KLF5: variants seen among roughly 807,000 people sequenced by gnomAD.
The protein encoded by KLF5 is Krueppel-like factor 5.
A neutral mutation model predicts 36.9 loss-of-function variants in KLF5; 9 were observed. The observed-to-expected ratio is 0.24, with a 90% CI of 0.15 to 0.43. KLF5 has a LOEUF of 0.43. Ranked by LOEUF, KLF5 falls within the 20% of genes least tolerant of loss-of-function variation. The probability of loss-of-function intolerance (pLI) is 1.00; values close to 1 mark genes in which losing one functional copy is unlikely to be tolerated. For missense variants in KLF5, 524 were observed against 599.5 expected (o/e 0.87, Z 1.31); for synonymous variants, 246 against 241.7 (o/e 1.02, Z -0.17).
At chr13:73,074,754 CTG>C (rs2044747611) in intron 3 of KLF5, among the ~76,000 whole-genome samples, 1 of 152,136 alleles carries the variant, frequency 6.6e-6, no homozygotes, top group Admixed American at 6.5e-5. Context: ...GGGAAGAGAA[CTG>C]TGAAAGAATG....
rs1446216606 is a variant in KLF5 at position 73,077,512 on chromosome 13, T to C, written c.*1626T>C. The C allele has an allele frequency of 6.6e-6, 1 of 152,650 alleles. No individual in the cohort carries two copies. Among genetic ancestry groups the C allele is most frequent in the East Asian group, 1.9e-4 (1 of 5,200 alleles). The allele number at this position is 152,650 out of a possible 1,614,324, so 9.5% of individuals were successfully genotyped here. On this transcript the variant is annotated 3_prime_UTR_variant, in exon 4 of 4. Coordinates refer to ENST00000377687, the MANE Select transcript of KLF5 (RefSeq NM_001730.5). Reference sequence around the variant, plus strand: ...TTTATATATTAACGACAATTTTTTTTTTGGAAAATAAAAAGTGCCTAAAAG... The same window carrying C: ...TTTATATATTAACGACAATTTTTTTCTTGGAAAATAAAAAGTGCCTAAAAG...
rs1452913413 is a variant in KLF5, at chr13:73,059,488, C to T, written c.161C>T (p.Ala54Val). 1 of 1,243,276 alleles carries T rather than the reference C, an allele frequency of 8.0e-7. No individual in the cohort carries two copies. The highest frequency in any genetic ancestry group is 1.0e-6 in the Non-Finnish European group (1 of 995,374). 77.0% of individuals were successfully genotyped at this position (1,243,276 alleles called of 1,614,324 possible). Residue 54 changes from alanine (A) to valine (V), a missense_variant, in exon 1 of 4, where the codon GCG becomes GTG. Around this residue, in one of 4 missense-constraint regions of KLF5, gnomAD observed 454 missense variants for 458.1 expected, o/e 0.99. Coordinates refer to ENST00000377687, the MANE Select transcript of KLF5 (RefSeq NM_001730.5). ...ALFPGEELKH[A>V]HHRPQAQPAP... ...TTCCCCGGCGAGGAGCTGAAGCACGCGCACCACCGCCCGCAGGCGCAGCCC... is the reference window on the plus strand; with the variant it reads ...TTCCCCGGCGAGGAGCTGAAGCACGTGCACCACCGCCCGCAGGCGCAGCCC...
intron 1 of KLF5, among the ~76,000 whole-genome samples, chr13:73,060,052 G>A (rs1198525105): frequency 2.0e-5 from 3 of 151,012 alleles, no homozygotes; most frequent in Admixed American, 6.6e-5. Flanking sequence ...GGTTCCCCAA[G>A]GTTTCATACC....
At chr13:73,066,976 C>T (rs2044684496) in intron 3 of KLF5, among the ~76,000 whole-genome samples, 1 of 152,136 alleles carries the variant, frequency 6.6e-6, no homozygotes, top group Non-Finnish European at 1.5e-5. Context: ...TGTAGAAGCA[C>T]CCCTTATAGA....
intron 3 of KLF5, among the ~76,000 whole-genome samples, chr13:73,070,114 A>C (rs1243442272): frequency 1.3e-5 from 2 of 152,206 alleles, no homozygotes; most frequent in Non-Finnish European, 2.9e-5. Context: ...ATCTCAAACA[A>C]CAACTCTTAT....
In KLF5 at chr13:73,076,152, A is replaced by C; in HGVS notation, c.*266A>C. The C allele has an allele frequency of 2.4e-5, 7 of 286,472 alleles. No homozygotes were observed. The highest frequency in any genetic ancestry group is 3.9e-5 in the Non-Finnish European group (6 of 155,382). 17.7% of individuals were successfully genotyped at this position (286,472 alleles called of 1,614,324 possible). ...TCTCATGACAGGCAGCCACGTCTCAACATGGGTAAGGGGTGGGGGTGGAGG... is the reference window on the plus strand; with the variant it reads ...TCTCATGACAGGCAGCCACGTCTCACCATGGGTAAGGGGTGGGGGTGGAGG... On this transcript the variant is annotated 3_prime_UTR_variant, in exon 4 of 4. Transcript: ENST00000377687.
At chr13:73,055,447 A>G (rs1177715352), upstream of KLF5, among the ~76,000 whole-genome samples, 1 of 152,194 alleles carries the variant, frequency 6.6e-6, no homozygotes, top group African/African-American at 2.4e-5. Flanking sequence ...AAAAGCAATG[A>G]ACAGAGCATC....
intron 3 of KLF5, among the ~76,000 whole-genome samples, chr13:73,069,367 CAA>C: frequency 1.3e-5 from 2 of 152,244 alleles, no homozygotes; most frequent in South Asian, 4.2e-4. Flanking sequence ...ATAACACAGG[CAA>C]AATCTTTTTT....
intron 3 of KLF5, among the ~76,000 whole-genome samples, chr13:73,074,012 A>G (rs2044741239): frequency 6.6e-6 from 1 of 152,204 alleles, no homozygotes; most frequent in Admixed American, 6.5e-5. Context: ...CAGAAAGGGA[A>G]TTAAAACAAA....
intron 3 of KLF5, among the ~76,000 whole-genome samples, chr13:73,064,173 C>CT (rs1315792698): frequency 6.6e-6 from 1 of 151,950 alleles, no homozygotes; most frequent in African/African-American, 2.4e-5. Context: ...GATTTTAAAA[C>CT]TTATACTGGC....
intron 1 of KLF5, among the ~76,000 whole-genome samples, chr13:73,060,988 G>A (rs2044630687): frequency 2.0e-5 from 3 of 152,260 alleles, no homozygotes; most frequent in South Asian, 4.1e-4. Context: ...TTTTTACAGA[G>A]TAGGGGGGAA....
chr13:73,058,612 C>T (rs1286273829), upstream of KLF5, among the ~76,000 whole-genome samples: 1 of 152,250 alleles, frequency 6.6e-6, no homozygotes, highest in African/African-American at 2.4e-5. Flanking sequence ...GGTCCTTGCA[C>T]AACACCTAAG....
Position 73,062,567 on chromosome 13 carries a change from C to A in KLF5, c.968C>A (p.Thr323Asn). ...DRQAEMLQNL[T>N]PPPSYAATIA... ...CAAGCAGAGATGCTCCAGAATTTAA[C>A]CCCACCTCCATCCTATGCTGCTACA... Residue 323 changes from threonine (T) to asparagine (N), a missense_variant, in exon 2 of 4, where the codon ACC becomes AAC. This residue lies in a region of KLF5 where 454 missense variants were observed against 458.1 expected (regional missense o/e 0.99). Transcript: ENST00000377687. 6.2e-7 allele frequency: 1 copy of A among 1,614,242 alleles called. No homozygotes were observed. Among genetic ancestry groups the A allele is most frequent in the South Asian group, 1.1e-5 (1 of 91,088 alleles).
In KLF5 at chr13:73,062,052, C is replaced by T. The variant is rs2044639760; in HGVS notation, c.453C>T (p.Tyr151=). Residue 151 remains tyrosine, a synonymous_variant, in exon 2 of 4, where the codon TAC becomes TAT. Transcript: ENST00000377687. The part of the protein sequence containing the change: ...PDITHLRTGL[Y]KSQRPCVTHI... ...TCACTCACCTGAGAACTGGCCTCTACAAATCCCAGAGACCGTGCGTAACAC... is the reference window on the plus strand; with the variant it reads ...TCACTCACCTGAGAACTGGCCTCTATAAATCCCAGAGACCGTGCGTAACAC... 3 of 1,614,064 alleles carry T rather than the reference C, an allele frequency of 1.9e-6. No individual in the cohort carries two copies. The African/African-American group carries it at 4.0e-5, about 22-fold the overall frequency.
chr13:73,064,884 C>G (rs1007486150), intron 3 of KLF5, among the ~76,000 whole-genome samples: 1 of 152,146 alleles, frequency 6.6e-6, no homozygotes, highest in African/African-American at 2.4e-5. Flanking sequence ...ATATCAGAAG[C>G]CATTTTAAGA....
At position 73,075,821 on chromosome 13, in the gene KLF5, G is replaced by C. The variant is rs1299511844; in HGVS notation, c.1309G>C (p.Val437Leu). Residue 437 changes from valine (V) to leucine (L), a missense_variant, in exon 4 of 4, where the codon GTG becomes CTG. Physicochemically the swap from Val to Leu is conservative, Grantham distance 32. Coordinates refer to ENST00000377687, the MANE Select transcript of KLF5 (RefSeq NM_001730.5). ...AGGCGCCAAGCCCTTCCAGTGCGGG[G>C]TGTGCAACCGCAGCTTCTCGCGCTC... ...HTGAKPFQCG[V>L]CNRSFSRSDH... The C allele has an allele frequency of 6.2e-7, 1 of 1,612,286 alleles. No individual in the cohort carries two copies.
chr13:73,063,958 C>CTGGTATGTAATTTTCTTGTTAATTCT, intron 3 of KLF5, 75 bp downstream of exon 3: 2 of 777,620 alleles, frequency 2.6e-6, no homozygotes, highest in Non-Finnish European at 4.3e-6. Context: ...AAAGCTAACA[C>CTGGTATGTAATTTTCTTGTTAATTCT]GTGTTTGATC....
At chr13:73,059,917 A>G (rs1306100587) in intron 1 of KLF5, 2 of 445,068 alleles carry the variant, frequency 4.5e-6, no homozygotes, top group Non-Finnish European at 6.0e-6. Context: ...CTTGTACCTT[A>G]CGCTCAGTTT....
At position 73,059,104 on chromosome 13, in the gene KLF5, G is replaced by C; in HGVS notation, c.-224G>C. 2.6e-6 allele frequency: 1 copy of C among 386,786 alleles called. No homozygotes were observed. The highest frequency in any genetic ancestry group is 4.5e-6 in the Non-Finnish European group (1 of 221,214). The allele number at this position is 386,786 out of a possible 1,614,324, so 24.0% of individuals were successfully genotyped here. On this transcript the variant is annotated 5_prime_UTR_variant, in exon 1 of 4. Transcript: ENST00000377687. ...CTGAGAGCACGGTGGGGCGGGGCGG[G>C]AGAAAGTGGCCGCCCGGAGGACGTT... is the stretch of plus-strand genomic sequence containing the variant.
Sources: gnomAD v4.1 joint callset for allele counts (sites outside exome capture counted in the v4.1 genomes callset) on GRCh38, gnomAD v4.1.1 for gene constraint, gnomAD v4.1.1 regional missense constraint, MANE v1.5 for transcripts, NCBI Gene and HGNC (gene_info 2026-07-23, HGNC 2026-07-21) for gene names.